The following ZNRF1 variants were observed in gnomAD, a reference collection of about 807,000 sequenced individuals.
The protein encoded by ZNRF1 is E3 ubiquitin-protein ligase ZNRF1.
Under a neutral mutation model 18.4 loss-of-function variants are expected in ZNRF1, and 3 were observed. The ratio of observed to expected loss-of-function variants is 0.16; its 90% confidence interval spans 0.07 to 0.42. The LOEUF (loss-of-function observed/expected upper bound fraction) is 0.42. Among genes scored for constraint, ZNRF1 ranks in the 10% least tolerant of loss-of-function variants. The probability of loss-of-function intolerance (pLI) is 0.99; values close to 1 mark genes in which losing one functional copy is unlikely to be tolerated. For synonymous variants in ZNRF1, 157 were observed against 144.2 expected (o/e 1.09, Z -0.64); for missense variants, 310 against 329.8 (o/e 0.94, Z 0.47).
At chr16:75,020,966 T>A (rs2035139762) in intron 1 of ZNRF1, among the ~76,000 whole-genome samples, 1 of 152,224 alleles carries the variant, frequency 6.6e-6, no homozygotes, top group African/African-American at 2.4e-5. Flanking sequence ...ATATCTCTAC[T>A]CTCTTCCCAA....
At chr16:75,107,023 G>C (rs1228248918) in intron 4 of ZNRF1, 2 of 183,004 alleles carry the variant, frequency 1.1e-5, no homozygotes, top group Admixed American at 5.3e-5. Flanking sequence ...ACAGCCATGG[G>C]CAGTGCATTG....
rs999787697 is a variant in ZNRF1 at position 75,095,706 on chromosome 16, C to G, written c.520+2039C>G. 3 of 1,548,674 alleles carry G rather than the reference C, an allele frequency of 1.9e-6. No individual in the cohort carries two copies. The African/African-American group carries it at 4.1e-5, about 21-fold the overall frequency. On this transcript the variant is annotated intron_variant, in intron 2 of 4. Coordinates refer to ENST00000335325, the MANE Select transcript of ZNRF1 (RefSeq NM_032268.5). ...ACAGAGTGCTCTTGGGCCCCCATGGCCCAAATGCAGAGTTACCCCCACTGC... is the reference window on the plus strand; with the variant it reads ...ACAGAGTGCTCTTGGGCCCCCATGGGCCAAATGCAGAGTTACCCCCACTGC...
intron 1 of ZNRF1, among the ~76,000 whole-genome samples, chr16:75,044,341 C>T (rs1263171866): frequency 2.0e-5 from 3 of 152,220 alleles, no homozygotes; most frequent in East Asian, 1.9e-4. Context: ...ACTTCAGCCT[C>T]CCAAATAGCT....
At chr16:75,105,496 G>A (rs2036305057) in intron 3 of ZNRF1, 2 of 152,686 alleles carry the variant, frequency 1.3e-5, no homozygotes, top group Admixed American at 1.3e-4. Context: ...TGCTGCCTGG[G>A]GCCAGCACCT....
intron 2 of ZNRF1, among the ~76,000 whole-genome samples, chr16:75,102,100 G>A (rs575737437): frequency 1.5e-4 from 23 of 152,296 alleles, no homozygotes; most frequent in African/African-American, 5.5e-4. Flanking sequence ...GGATCGAATC[G>A]GTTCCATTTT....
chr16:75,015,251 G>T (rs2035051080), intron 1 of ZNRF1, among the ~76,000 whole-genome samples: 1 of 152,138 alleles, frequency 6.6e-6, no homozygotes, highest in Non-Finnish European at 1.5e-5. Context: ...TCTTCTAAAA[G>T]TTTTAAAAAT....
At chr16:75,043,492 C>T (rs966977518) in intron 1 of ZNRF1, among the ~76,000 whole-genome samples, 6 of 152,082 alleles carry the variant, frequency 3.9e-5, no homozygotes, top group Admixed American at 3.9e-4. Flanking sequence ...TTCCTTCTAC[C>T]TCACCAGGCC....
intron 1 of ZNRF1, among the ~76,000 whole-genome samples, chr16:75,075,023 C>A (rs1218054033): frequency 2.0e-5 from 3 of 151,350 alleles, no homozygotes; most frequent in Non-Finnish European, 4.4e-5. Flanking sequence ...TTTGCCAACC[C>A]CTGCCTGGGG....
chr16:75,086,173 GATCT>G (rs2036071567), intron 1 of ZNRF1, among the ~76,000 whole-genome samples: 2 of 152,126 alleles, frequency 1.3e-5, no homozygotes, highest in Admixed American at 6.6e-5. Context: ...TTCAAATGCT[GATCT>G]CATCTGGAAC....
At chr16:75,104,552 T>A (rs2036291013) in intron 2 of ZNRF1, 1 of 396,686 alleles carries the variant, frequency 2.5e-6, no homozygotes, top group Non-Finnish European at 4.6e-6. Context: ...GTTAATCACA[T>A]GTTGAGATTA....
chr16:75,019,948 C>G (rs994168594), intron 1 of ZNRF1, among the ~76,000 whole-genome samples: 1 of 152,146 alleles, frequency 6.6e-6, no homozygotes, highest in African/African-American at 2.4e-5. Context: ...TGGGCTCAGG[C>G]GATCCTCCCA....
At position 75,110,554 on chromosome 16, in the gene ZNRF1, A is replaced by C. The variant is rs2036370552; in HGVS notation, c.*2854A>C. The C allele has an allele frequency of 6.6e-6, 1 of 152,278 alleles. No homozygotes were observed. The highest frequency in any genetic ancestry group is 1.5e-5 in the Non-Finnish European group (1 of 68,054). The allele number at this position is 152,278 out of a possible 1,614,324, so 9.4% of individuals were successfully genotyped here. A position where few individuals can be genotyped will look rare whatever the true frequency, so the allele number is the denominator to read the frequency against. ...AATGCCTTCAAGAAATGTGTAATTT[A>C]ATTCCAAATAGTTCCCCCCAAAATA... On this transcript the variant is annotated 3_prime_UTR_variant, in exon 5 of 5. Coordinates refer to ENST00000335325, the MANE Select transcript of ZNRF1 (RefSeq NM_032268.5).
chr16:75,094,523 C>T (rs2036176818), intron 2 of ZNRF1, among the ~76,000 whole-genome samples: 1 of 152,272 alleles, frequency 6.6e-6, no homozygotes. Flanking sequence ...TTAGCGGAGC[C>T]TCAGTTTTCT....
chr16:75,028,300 GT>G (rs994162956), intron 1 of ZNRF1, among the ~76,000 whole-genome samples: 3 of 152,072 alleles, frequency 2.0e-5, no homozygotes, highest in African/African-American at 7.2e-5. Flanking sequence ...TTTGTTTTTT[GT>G]TTTTTGTTTT....
rs973759798 is a variant in ZNRF1, at chr16:75,108,821, C to T, written c.*1121C>T. ...CTTAGCATTCCTTCAGGCTGCTACTCGGGGCTCCAGGTGTGTGAATTGGTC... is the reference window on the plus strand; with the variant it reads ...CTTAGCATTCCTTCAGGCTGCTACTTGGGGCTCCAGGTGTGTGAATTGGTC... On this transcript the variant is annotated 3_prime_UTR_variant, in exon 5 of 5. Coordinates refer to ENST00000335325, the MANE Select transcript of ZNRF1 (RefSeq NM_032268.5). 16 of 346,498 alleles carry T rather than the reference C, an allele frequency of 4.6e-5. No homozygotes were observed. Among genetic ancestry groups the T allele is most frequent in the Non-Finnish European group, 8.2e-5 (16 of 195,476 alleles). The allele number at this position is 346,498 out of a possible 1,614,324, so 21.5% of individuals were successfully genotyped here.
intron 1 of ZNRF1, among the ~76,000 whole-genome samples, chr16:75,091,883 A>C (rs1029788708): frequency 6.6e-6 from 1 of 152,156 alleles, no homozygotes; most frequent in African/African-American, 2.4e-5. Context: ...CTAATAGCCT[A>C]CTGTTAACCA....
chr16:75,008,474 A>G (rs1317460210), intron 1 of ZNRF1, among the ~76,000 whole-genome samples: 1 of 152,106 alleles, frequency 6.6e-6, no homozygotes, highest in African/African-American at 2.4e-5. Context: ...CCTCTTTCCT[A>G]CATCTTCAGC....
chr16:75,071,501 C>T (rs1334609092), intron 1 of ZNRF1, among the ~76,000 whole-genome samples: 1 of 152,100 alleles, frequency 6.6e-6, no homozygotes, highest in Non-Finnish European at 1.5e-5. Context: ...GCCTGGGCTT[C>T]CTCACAGCAT....
chr16:75,091,367 A>AAG (rs1555514195), intron 1 of ZNRF1, among the ~76,000 whole-genome samples: 1 of 150,754 alleles, frequency 6.6e-6, no homozygotes, highest in East Asian at 1.9e-4. Context: ...TCAAAAAAAA[A>AAG]AAAAGAAAAG....
Sources: allele counts gnomAD v4.1 joint callset (sites outside exome capture counted in the v4.1 genomes callset), GRCh38; gene constraint gnomAD v4.1.1; transcripts MANE v1.5; gene names NCBI Gene and HGNC (gene_info 2026-07-23, HGNC 2026-07-21).